MATCAP2: variants seen among roughly 807,000 people sequenced by gnomAD.
The protein encoded by MATCAP2 is putative tyrosine carboxypeptidase MATCAP2.
chr7:36,367,194 T>G, the MATCAP2 span: 1 of 1,181,654 alleles, frequency 8.5e-7, no homozygotes, highest in Non-Finnish European at 1.0e-6. Flanking sequence ...CAGCAGCGCT[T>G]AGAACCTGCC....
the MATCAP2 span, among the ~76,000 whole-genome samples, chr7:36,376,773 T>A: frequency 1.3e-5 from 2 of 152,324 alleles, no homozygotes; most frequent in South Asian, 4.1e-4. Flanking sequence ...ATCTGGGTGC[T>A]CCTGTATTGG....
At chr7:36,379,813 TACACACACACACACAC>T in the MATCAP2 span, among the ~76,000 whole-genome samples, 62 of 124,308 alleles carry the variant, frequency 5.0e-4, no homozygotes, top group African/African-American at 1.8e-3. Flanking sequence ...CAATGGTAAG[TACACACACACACACAC>T]ACACACACAC....
the MATCAP2 span, among the ~76,000 whole-genome samples, chr7:36,362,052 C>T: frequency 5.9e-5 from 9 of 152,142 alleles, no homozygotes; most frequent in Admixed American, 2.6e-4. Context: ...TGGAAATGTT[C>T]GCTATCTGTT....
At chr7:36,389,867 C>A in the MATCAP2 span, 1 of 1,315,650 alleles carries the variant, frequency 7.6e-7, no homozygotes, top group Admixed American at 1.9e-5. Flanking sequence ...AGGCCGAGTC[C>A]GTCACTGGAA....
chr7:36,382,094 A>G, the MATCAP2 span, among the ~76,000 whole-genome samples: 159 of 151,934 alleles, frequency 1.0e-3, 1 homozygote, highest in East Asian at 0.025. Context: ...GGAGTTCAAG[A>G]CCAGCCTGGC....
At chr7:36,384,915 C>G in the MATCAP2 span, among the ~76,000 whole-genome samples, 1 of 151,364 alleles carries the variant, frequency 6.6e-6, no homozygotes, top group South Asian at 2.1e-4. Context: ...CTAGGTTATT[C>G]GGAGAGGCAG....
chr7:36,331,343 C>G, the MATCAP2 span, among the ~76,000 whole-genome samples: 1 of 152,142 alleles, frequency 6.6e-6, no homozygotes, highest in Non-Finnish European at 1.5e-5. Flanking sequence ...TCTTTCCTCA[C>G]TATAGAGACT....
chr7:36,359,874 G>C, the MATCAP2 span, among the ~76,000 whole-genome samples: 1 of 152,124 alleles, frequency 6.6e-6, no homozygotes, highest in Non-Finnish European at 1.5e-5. Flanking sequence ...TCCCTCAAAC[G>C]ACACCACAAG....
chr7:36,374,387 G>T, the MATCAP2 span, among the ~76,000 whole-genome samples: 1 of 152,044 alleles, frequency 6.6e-6, no homozygotes, highest in African/African-American at 2.4e-5. Flanking sequence ...GCCCACTGGA[G>T]GATTTTAAAT....
the MATCAP2 span, among the ~76,000 whole-genome samples, chr7:36,381,418 C>A: frequency 6.6e-6 from 1 of 152,110 alleles, no homozygotes. Context: ...TGCCTGTAAT[C>A]CCATCACTTT....
At chr7:36,368,346 C>G in the MATCAP2 span, 1 of 152,190 alleles carries the variant, frequency 6.6e-6, no homozygotes, top group African/African-American at 2.4e-5. Flanking sequence ...AGGACCGTCA[C>G]ACCCTGAGAA....
chr7:36,343,835 T>A, the MATCAP2 span, among the ~76,000 whole-genome samples: 1 of 151,800 alleles, frequency 6.6e-6, no homozygotes, highest in Non-Finnish European at 1.5e-5. Flanking sequence ...CTGTTAATTA[T>A]AAAAACGAAT....
the MATCAP2 span, among the ~76,000 whole-genome samples, chr7:36,340,566 T>C: frequency 2.6e-5 from 4 of 152,232 alleles, no homozygotes; most frequent in Admixed American, 1.3e-4. Context: ...AATATTACAT[T>C]ATATTCAATC....
chr7:36,369,562 T>G, the MATCAP2 span, among the ~76,000 whole-genome samples: 2 of 152,340 alleles, frequency 1.3e-5, no homozygotes, highest in African/African-American at 2.4e-5. Flanking sequence ...ATATGTTCAG[T>G]GCTTTTACTA....
chr7:36,337,829 G>A, the MATCAP2 span: 1 of 152,054 alleles, frequency 6.6e-6, no homozygotes, highest in Non-Finnish European at 1.5e-5. Context: ...TCTACTTCAT[G>A]GTTTTATTGA....
At chr7:36,351,061 C>G in the MATCAP2 span, among the ~76,000 whole-genome samples, 4 of 152,116 alleles carry the variant, frequency 2.6e-5, no homozygotes, top group African/African-American at 7.2e-5. Flanking sequence ...GAATTTACTT[C>G]CTAACATAAT....
chr7:36,333,064 G>A, the MATCAP2 span, among the ~76,000 whole-genome samples: 2 of 152,206 alleles, frequency 1.3e-5, no homozygotes, highest in South Asian at 2.1e-4. Context: ...GGGGGAAGGG[G>A]TGGCAGTGGG....
the MATCAP2 span, among the ~76,000 whole-genome samples, chr7:36,348,999 G>C: frequency 2.0e-5 from 3 of 152,224 alleles, no homozygotes; most frequent in South Asian, 6.2e-4. Context: ...AAGGAGGTTG[G>C]TCTGTGGATA....
the MATCAP2 span, among the ~76,000 whole-genome samples, chr7:36,334,849 C>A: frequency 6.6e-6 from 1 of 152,122 alleles, no homozygotes; most frequent in Non-Finnish European, 1.5e-5. Context: ...CTAAACACTT[C>A]CCTTAAAAAA....
Sources: gnomAD v4.1 joint callset for allele counts (sites outside exome capture counted in the v4.1 genomes callset) on GRCh38, gnomAD v4.1.1 for gene constraint, MANE v1.5 for transcripts, NCBI Gene and HGNC (gene_info 2026-07-23, HGNC 2026-07-21) for gene names.